Variants in SALL3 observed in about 807,000 individuals in gnomAD.
SALL3 encodes spalt like transcription factor 3.
Under a neutral mutation model 66.2 loss-of-function variants are expected in SALL3, and 25 were observed. That is an observed-to-expected ratio of 0.38 (90% CI 0.28 to 0.53). SALL3 has a LOEUF of 0.53. SALL3 is among the 20% of genes least tolerant of loss of function. SALL3 has a pLI of 0.85. For synonymous variants in SALL3, 1,152 were observed against 899.1 expected, an observed-to-expected ratio of 1.28 and a Z score of -5.03; for missense variants, 2,194 against 1,916.5, an observed-to-expected ratio of 1.14 and a Z score of -2.70.
rs145252877 is a variant in SALL3 at position 78,996,128 on chromosome 18, G to A, written c.3471+666G>A. On this transcript the variant is annotated intron_variant, in intron 2 of 2. Transcript: ENST00000537592. ...TGCCAAAAGGGCCCATGGGAGGGGC[G>A]CTGGGTGAGAAGCTCCTGGCGTGGG... Among the ~76,000 whole-genome samples, 956 of 152,352 alleles carry A rather than the reference G, an allele frequency of 6.3e-3. 2 individuals are homozygous for A. The highest frequency in any genetic ancestry group is 0.015 in the South Asian group (73 of 4,824).
At position 78,994,654 on chromosome 18, in the gene SALL3, G is replaced by A; in HGVS notation, c.2663G>A (p.Ser888Asn). ...DSSSAVGDLE[S>N]RSAGSPALSE... Reference sequence around the variant, plus strand: ...TCGTCGGCCGTGGGCGACCTGGAGAGCCGCAGCGCGGGCAGCCCCGCCCTG... The same window carrying A: ...TCGTCGGCCGTGGGCGACCTGGAGAACCGCAGCGCGGGCAGCCCCGCCCTG... The change falls in exon 2 of 3, where the codon AGC becomes AAC. Residue 888 changes from serine (S) to asparagine (N), a missense_variant. Ser to Asn is a conservative substitution (Grantham distance 46, BLOSUM62 1). Transcript: ENST00000537592. 1 of 1,609,218 alleles carries A rather than the reference G, an allele frequency of 6.2e-7. No homozygotes were observed. The highest frequency in any genetic ancestry group is 1.3e-5 in the African/African-American group (1 of 74,988).
chr18:78,985,310 C>T (rs1599173399), intron 1 of SALL3, among the ~76,000 whole-genome samples: 2 of 152,336 alleles, frequency 1.3e-5, no homozygotes, highest in Non-Finnish European at 2.9e-5. Context: ...TAGTTCAGCA[C>T]AAGTGTTTAT....
Position 78,993,833 on chromosome 18 carries a change from C to T in SALL3, c.1842C>T (p.Gly614=), listed in dbSNP as rs1025773855. Residue 614 remains glycine, a synonymous_variant, in exon 2 of 3, where the codon GGC becomes GGT. Coordinates refer to ENST00000537592, the MANE Select transcript of SALL3 (RefSeq NM_171999.4). ...TNARAGDAPV[G]AQASAAPTSV... ...CCAGGGCCGGGGACGCTCCCGTGGG[C>T]GCGCAGGCTAGCGCTGCACCCACAT... is the stretch of plus-strand genomic sequence containing the variant. The T allele has an allele frequency of 2.0e-5, 31 of 1,552,984 alleles. No individual in the cohort carries two copies. The highest frequency in any genetic ancestry group is 2.5e-5 in the Non-Finnish European group (29 of 1,151,878).
chr18:78,992,902 G>A lies in SALL3; in HGVS notation c.911G>A (p.Gly304Asp), dbSNP rs1914507601. The part of the protein sequence containing the change: ...RPESGASTPG[G>D]PAEPSAPAAP... ...GAGTCTGGCGCCAGCACCCCCGGCG[G>A]CCCTGCGGAGCCCAGCGCGCCCGCC... is the stretch of plus-strand genomic sequence containing the variant. Residue 304 changes from glycine (G) to aspartate (D), a missense_variant, in exon 2 of 3, where the codon GGC becomes GAC. Coordinates refer to ENST00000537592, the MANE Select transcript of SALL3 (RefSeq NM_171999.4). 3.0e-6 allele frequency: 3 copies of A among 984,450 alleles called. No homozygotes were observed. The highest frequency in any genetic ancestry group is 9.1e-5 in the South Asian group (2 of 22,084). The allele number at this position is 984,450 out of a possible 1,614,324, so 61.0% of individuals were successfully genotyped here.
Position 78,979,885 on chromosome 18 carries a change from G to A in SALL3, c.-390G>A, listed in dbSNP as rs970025450. Among the ~76,000 whole-genome samples, 1 of 144,486 alleles carries A rather than the reference G, an allele frequency of 6.9e-6. No individual in the cohort carries two copies. Among genetic ancestry groups the A allele is most frequent in the African/African-American group, 2.5e-5 (1 of 40,352 alleles). 94.8% of individuals were successfully genotyped at this position (144,486 alleles called of 152,430 possible). A position where few individuals can be genotyped will look rare whatever the true frequency, so the allele number is the denominator to read the frequency against. On this transcript the variant is annotated 5_prime_UTR_variant, in exon 1 of 3. Transcript: ENST00000537592. ...GCCCTGCGGAGGGACGGCCACCGCGGCCCGCGCCGCACCCGGGCCCCGCCA... is the reference window on the plus strand; with the variant it reads ...GCCCTGCGGAGGGACGGCCACCGCGACCCGCGCCGCACCCGGGCCCCGCCA...
At chr18:78,986,313 C>T (rs1208808945) in intron 1 of SALL3, among the ~76,000 whole-genome samples, 6 of 152,204 alleles carry the variant, frequency 3.9e-5, no homozygotes, top group Non-Finnish European at 5.9e-5. Context: ...ATGGCGTCGA[C>T]GCGCGGGAGT....
At chr18:78,984,472 G>T (rs1395788426) in intron 1 of SALL3, among the ~76,000 whole-genome samples, 1 of 152,074 alleles carries the variant, frequency 6.6e-6, no homozygotes, top group Non-Finnish European at 1.5e-5. Flanking sequence ...TACATGATTT[G>T]TTCAGTAGTT....
Position 78,992,505 on chromosome 18 carries a change from C to T in SALL3, c.514C>T (p.Leu172=). ...PSTNVTLEAL[L]STKVAVAQFS... Reference sequence around the variant, plus strand: ...CACCAACGTGACCCTGGAGGCGCTGCTGAGCACCAAGGTGGCGGTGGCGCA... The same window carrying T: ...CACCAACGTGACCCTGGAGGCGCTGTTGAGCACCAAGGTGGCGGTGGCGCA... Residue 172 remains leucine (L), a synonymous_variant, in exon 2 of 3, where the codon CTG becomes TTG. Transcript: ENST00000537592. The T allele has an allele frequency of 1.4e-6, 2 of 1,476,256 alleles. No homozygotes were observed. The highest frequency in any genetic ancestry group is 2.5e-5 in the South Asian group (2 of 80,428). The allele number at this position is 1,476,256 out of a possible 1,614,324, so 91.4% of individuals were successfully genotyped here.
intron 1 of SALL3, among the ~76,000 whole-genome samples, chr18:78,990,730 CATT>C (rs1914402570): frequency 6.6e-6 from 1 of 152,186 alleles, no homozygotes; most frequent in Admixed American, 6.5e-5. Flanking sequence ...GTGCAGCTGT[CATT>C]GTGTCTGTTG....
In SALL3 at chr18:78,995,231, G is replaced by GA; in HGVS notation, c.3240_3241insA (p.Pro1081ThrfsTer52). Reference sequence around the variant, plus strand: ...TGGCGCTGGGCGAGGGTCCCCCGCTGCCCGCGGGCGTCCAGGTCCCCGCCG... The same window carrying GA: ...TGGCGCTGGGCGAGGGTCCCCCGCTGACCCGCGGGCGTCCAGGTCCCCGCCG... On this transcript the variant is annotated frameshift_variant, in exon 2 of 3. Transcript: ENST00000537592. LOFTEE classifies it high-confidence loss of function. The GA allele has an allele frequency of 6.2e-7, 1 of 1,604,176 alleles. No individual in the cohort carries two copies. The highest frequency in any genetic ancestry group is 8.5e-7 in the Non-Finnish European group (1 of 1,179,244).
In SALL3 at chr18:78,992,550, G is replaced by C; in HGVS notation, c.559G>C (p.Ala187Pro). Reference sequence around the variant, plus strand: ...GGCGCAGTTCTCGCAGGGCGCGCGCGCGGCAGGCGGCTCGGGAGCAGGTGG... The same window carrying C: ...GGCGCAGTTCTCGCAGGGCGCGCGCCCGGCAGGCGGCTCGGGAGCAGGTGG... ...AVAQFSQGARAAGGSGAGGGV... is the reference protein window; with the variant it reads ...AVAQFSQGARPAGGSGAGGGV... The change falls in exon 2 of 3, where the codon GCG becomes CCG. Residue 187 changes from alanine to proline, a missense_variant. By Grantham distance (27) the Ala-to-Pro change is conservative (BLOSUM62 -1). Coordinates refer to ENST00000537592, the MANE Select transcript of SALL3 (RefSeq NM_171999.4). 2 of 1,497,888 alleles carry C rather than the reference G, an allele frequency of 1.3e-6. No individual in the cohort carries two copies. The highest frequency in any genetic ancestry group is 2.9e-5 in the African/African-American group (2 of 68,804). The allele number at this position is 1,497,888 out of a possible 1,614,324, so 92.8% of individuals were successfully genotyped here. A position where few individuals can be genotyped will look rare whatever the true frequency, so the allele number is the denominator to read the frequency against.
chr18:78,992,935 GCGCCGCCCCTGCCCC>G lies in SALL3; in HGVS notation c.948_962del (p.Ala322_Ala326del). 1 of 1,033,832 alleles carries G rather than the reference GCGCCGCCCCTGCCCC, an allele frequency of 9.7e-7. No homozygotes were observed. Among genetic ancestry groups the G allele is most frequent in the Non-Finnish European group, 1.2e-6 (1 of 862,244 alleles). The allele number at this position is 1,033,832 out of a possible 1,614,324, so 64.0% of individuals were successfully genotyped here. A position where few individuals can be genotyped will look rare whatever the true frequency, so the allele number is the denominator to read the frequency against. Reference sequence around the variant, plus strand: ...GAGCCCAGCGCGCCCGCCGCCCCCAGCGCCGCCCCTGCCCCCGCTGCCCCCGCCCCGGCGCCAGCG... The same window carrying G: ...GAGCCCAGCGCGCCCGCCGCCCCCAGCGCTGCCCCCGCCCCGGCGCCAGCG... On this transcript the variant is annotated inframe_deletion, in exon 2 of 3. Coordinates refer to ENST00000537592, the MANE Select transcript of SALL3 (RefSeq NM_171999.4).
Position 78,993,764 on chromosome 18 carries a change from G to A in SALL3, c.1773G>A (p.Pro591=), listed in dbSNP as rs772646499. Residue 591 remains proline (P), a synonymous_variant, in exon 2 of 3, where the codon CCG becomes CCA. Coordinates refer to ENST00000537592, the MANE Select transcript of SALL3 (RefSeq NM_171999.4). ...AESPQSLLGG[P]PLTKAEPVSL... is the part of the protein sequence containing the mutation. ...CCCCACAGTCGCTCCTCGGCGGGCC[G>A]CCCCTCACTAAAGCCGAGCCCGTCA... 4.5e-6 allele frequency: 7 copies of A among 1,543,390 alleles called. No individual in the cohort carries two copies. The highest frequency in any genetic ancestry group is 1.7e-4 in the Middle Eastern group (1 of 5,822).
Position 78,992,350 on chromosome 18 carries a change from C to CGGAGGGCGA in SALL3, c.362_370dup (p.Glu121_Glu123dup). The CGGAGGGCGA allele has an allele frequency of 7.3e-7, 1 of 1,373,972 alleles. No homozygotes were observed. The highest frequency in any genetic ancestry group is 9.3e-7 in the Non-Finnish European group (1 of 1,071,808). The allele number at this position is 1,373,972 out of a possible 1,614,324, so 85.1% of individuals were successfully genotyped here. The stretch of plus-strand genomic sequence containing the variant: ...GCCGAGGAGGCGGGTGCGGAGGGCG[C>CGGAGGGCGA]GGAGGGCGAGGCCAGGCCGGTGGAG... On this transcript the variant is annotated inframe_insertion, in exon 2 of 3. Transcript: ENST00000537592.
At position 78,992,234 on chromosome 18, in the gene SALL3, C is replaced by A. The variant is rs762499418; in HGVS notation, c.243C>A (p.Ile81=). ...RSCTKLPPVL[I]VHEDAPAPPP... is the part of the protein sequence containing the mutation. ...GCACCAAGCTCCCGCCCGTGCTGAT[C>A]GTGCACGAGGACGCGCCCGCGCCGC... Residue 81 remains isoleucine, a synonymous_variant, in exon 2 of 3, where the codon ATC becomes ATA. Transcript: ENST00000537592. 10 of 1,598,766 alleles carry A rather than the reference C, an allele frequency of 6.3e-6. No individual in the cohort carries two copies. The highest frequency in any genetic ancestry group is 1.1e-5 in the South Asian group (1 of 89,978).
chr18:78,982,544 G>C (rs1787267), intron 1 of SALL3, among the ~76,000 whole-genome samples: 13,576 of 152,214 alleles, frequency 0.089, 881 homozygotes, highest in African/African-American at 0.18. Flanking sequence ...GAGCATAACA[G>C]ACACTCTGTT....
rs576905126 is a variant in SALL3 at position 78,981,619 on chromosome 18, C to G, written c.82+1263C>G. On this transcript the variant is annotated intron_variant, in intron 1 of 2. Coordinates refer to ENST00000537592, the MANE Select transcript of SALL3 (RefSeq NM_171999.4). ...ATGAATTAAATAAAATTAGTGAGCT[C>G]GCTGGGGTCTTTTTGTTGCGGTGGA... Among the ~76,000 whole-genome samples, 9 of 152,230 alleles carry G rather than the reference C, an allele frequency of 5.9e-5. No individual in the cohort carries two copies. The East Asian group carries it at 1.7e-3, about 29-fold the overall frequency.
rs920649007 is a variant in SALL3 at position 78,979,919 on chromosome 18, C to T, written c.-356C>T. Among the ~76,000 whole-genome samples, 1 of 144,914 alleles carries T rather than the reference C, an allele frequency of 6.9e-6. No individual in the cohort carries two copies. Among genetic ancestry groups the T allele is most frequent in the Non-Finnish European group, 1.5e-5 (1 of 65,262 alleles). On this transcript the variant is annotated 5_prime_UTR_variant, in exon 1 of 3. Coordinates refer to ENST00000537592, the MANE Select transcript of SALL3 (RefSeq NM_171999.4). Reference sequence around the variant, plus strand: ...GCACCCGGGCCCCGCCACAGCCGCACCCGGGGCGGCCGAGGAGCGCGGCGC... The same window carrying T: ...GCACCCGGGCCCCGCCACAGCCGCATCCGGGGCGGCCGAGGAGCGCGGCGC...
chr18:78,992,953 C>T lies in SALL3; in HGVS notation c.962C>T (p.Ala321Val), dbSNP rs1408284701. 1.8e-6 allele frequency: 2 copies of T among 1,140,512 alleles called. No homozygotes were observed. Among genetic ancestry groups the T allele is most frequent in the Non-Finnish European group, 2.1e-6 (2 of 930,414 alleles). 70.6% of individuals were successfully genotyped at this position (1,140,512 alleles called of 1,614,324 possible). A position where few individuals can be genotyped will look rare whatever the true frequency, so the allele number is the denominator to read the frequency against. ...GCCCCCAGCGCCGCCCCTGCCCCCG[C>T]TGCCCCCGCCCCGGCGCCAGCGCCG... The part of the protein sequence containing the change: ...PAAPSAAPAP[A>V]APAPAPAPQS... The change falls in exon 2 of 3, where the codon GCT (alanine) becomes GTT (valine). Residue 321 changes from alanine (A) to valine (V), a missense_variant. Ala to Val is a moderately conservative substitution (Grantham distance 64, BLOSUM62 0). Transcript: ENST00000537592.
Sources: allele counts gnomAD v4.1 joint callset (sites outside exome capture counted in the v4.1 genomes callset), GRCh38; gene constraint gnomAD v4.1.1; transcripts MANE v1.5; gene names NCBI Gene and HGNC (gene_info 2026-07-23, HGNC 2026-07-21).